PFKFB3: variants seen among roughly 807,000 people sequenced by gnomAD.
PFKFB3 encodes 6-phosphofructo-2-kinase/fructose-2,6-bisphosphatase 3.
In PFKFB3, 33 loss-of-function variants were observed where a neutral mutation model predicts 68.0. The observed-to-expected ratio is 0.49, with a 90% CI of 0.37 to 0.65. The LOEUF is 0.65. Among genes scored for constraint, PFKFB3 ranks in the 30% least tolerant of loss-of-function variants. The pLI, the probability that PFKFB3 is intolerant of heterozygous loss-of-function variation, is 0.00. For synonymous variants in PFKFB3, 315 were observed against 288.2 expected (o/e 1.09, Z -0.94); for missense variants, 586 against 712.2 (o/e 0.82, Z 2.02).
chr10:6,281,588 T>A, the PFKFB3 span, among the ~76,000 whole-genome samples: 1 of 151,940 alleles, frequency 6.6e-6, no homozygotes, highest in African/African-American at 2.4e-5. Flanking sequence ...CATTCCACTG[T>A]TTTTCCCCCA....
intron 6 of PFKFB3, 139 bp from the exon 7 acceptor site, chr10:6,219,430 C>T (rs1351627844): frequency 1.1e-6 from 1 of 873,512 alleles, no homozygotes; most frequent in East Asian, 2.5e-5. Context: ...ATCTTTCTCC[C>T]TTTCTCTTAC....
chr10:6,264,059 G>A, the PFKFB3 span, among the ~76,000 whole-genome samples: 1 of 152,212 alleles, frequency 6.6e-6, no homozygotes, highest in Non-Finnish European at 1.5e-5. Context: ...ATTGGTCTTT[G>A]TGAATGATGA....
chr10:6,242,091 G>A (rs569796533), intron 14 of PFKFB3, among the ~76,000 whole-genome samples: 5 of 151,870 alleles, frequency 3.3e-5, no homozygotes, highest in African/African-American at 7.3e-5. Context: ...GATTCTTCCC[G>A]CCTCAGCCTC....
chr10:6,156,506 A>AATTG (rs1841800656), intron 1 of PFKFB3, among the ~76,000 whole-genome samples: 1 of 149,982 alleles, frequency 6.7e-6, no homozygotes, highest in South Asian at 2.1e-4. Flanking sequence ...TTAATTAATT[A>AATTG]CTTTTTATTT....
intron 1 of PFKFB3, among the ~76,000 whole-genome samples, chr10:6,195,118 T>G (rs1448826074): frequency 1.3e-5 from 2 of 152,156 alleles, no homozygotes; most frequent in Non-Finnish European, 2.9e-5. Context: ...GTGATCTGCC[T>G]GCCTCAGCCT....
the PFKFB3 span, among the ~76,000 whole-genome samples, chr10:6,324,964 A>G: frequency 6.6e-6 from 1 of 151,894 alleles, no homozygotes; most frequent in East Asian, 1.9e-4. Context: ...AAGTGTTGGC[A>G]TATAATTTTT....
At chr10:6,250,975 G>A (rs901766221) in intron 14 of PFKFB3, among the ~76,000 whole-genome samples, 2 of 152,140 alleles carry the variant, frequency 1.3e-5, no homozygotes, top group African/African-American at 4.8e-5. Context: ...GAGTGCTGAG[G>A]TCTGAGCCTT....
intron 6 of PFKFB3, 89 bp from the exon 7 acceptor site, chr10:6,219,480 G>T: frequency 7.1e-7 from 1 of 1,404,536 alleles, no homozygotes; most frequent in Non-Finnish European, 1.0e-6. Flanking sequence ...CCTTCTGTGC[G>T]CTCCCCTTTT....
chr10:6,146,496 G>T (rs1314399149), intron 1 of PFKFB3: 1 of 1,534,872 alleles, frequency 6.5e-7, no homozygotes, highest in African/African-American at 1.4e-5. Context: ...CATTAATCCA[G>T]GTATGATTCG....
chr10:6,309,289 C>A, the PFKFB3 span, among the ~76,000 whole-genome samples: 8 of 152,158 alleles, frequency 5.3e-5, no homozygotes, highest in South Asian at 8.3e-4. Context: ...TTTCGCTGGG[C>A]GTGGTGGCTG....
chr10:6,185,929 C>T (rs955755176), intron 1 of PFKFB3, among the ~76,000 whole-genome samples: 3 of 152,028 alleles, frequency 2.0e-5, no homozygotes, highest in African/African-American at 7.2e-5. Flanking sequence ...CATGAGCCAC[C>T]GCGCCTGGCC....
the PFKFB3 span, among the ~76,000 whole-genome samples, chr10:6,316,988 A>G: frequency 6.6e-6 from 1 of 152,180 alleles, no homozygotes; most frequent in Non-Finnish European, 1.5e-5. Context: ...GAAGAACTCA[A>G]CTGGCACACA....
At chr10:6,313,978 C>T in the PFKFB3 span, among the ~76,000 whole-genome samples, 1 of 152,198 alleles carries the variant, frequency 6.6e-6, no homozygotes, top group East Asian at 1.9e-4. This position sits in a 1 kb window ranked among gnomAD's most constrained non-coding sequence, Gnocchi z 4.2. Flanking sequence ...AGGCAGGGGA[C>T]AGGTATGGGT....
At chr10:6,272,468 C>A in the PFKFB3 span, among the ~76,000 whole-genome samples, 1 of 152,132 alleles carries the variant, frequency 6.6e-6, no homozygotes, top group African/African-American at 2.4e-5. Flanking sequence ...CCGAGGCGGG[C>A]GGATCACCTG....
chr10:6,156,339 G>A, intron 1 of PFKFB3, among the ~76,000 whole-genome samples: 1 of 151,616 alleles, frequency 6.6e-6, no homozygotes, highest in African/African-American at 2.4e-5. Context: ...AACTTTTTGT[G>A]GAGACAAAGT....
the PFKFB3 span, among the ~76,000 whole-genome samples, chr10:6,283,942 T>C: frequency 6.6e-6 from 1 of 152,144 alleles, no homozygotes; most frequent in African/African-American, 2.4e-5. Flanking sequence ...TCATGCCTCA[T>C]TACCCTATGC....
chr10:6,164,238 C>T (rs1319110974), intron 1 of PFKFB3, among the ~76,000 whole-genome samples: 2 of 152,182 alleles, frequency 1.3e-5, no homozygotes, highest in Admixed American at 6.5e-5. Flanking sequence ...CCAGTGAGCA[C>T]CCGGGGACCG....
At chr10:6,292,656 A>G in the PFKFB3 span, among the ~76,000 whole-genome samples, 2 of 152,060 alleles carry the variant, frequency 1.3e-5, no homozygotes, top group Non-Finnish European at 2.9e-5. Flanking sequence ...AAAAACTATC[A>G]AGGGCAATCA....
the PFKFB3 span, among the ~76,000 whole-genome samples, chr10:6,265,037 A>G: frequency 7.9e-5 from 12 of 150,946 alleles, no homozygotes; most frequent in Non-Finnish European, 1.5e-4. Flanking sequence ...TTAGTTGTCA[A>G]TTTGTGTTAG....
Sources: gnomAD v4.1 joint callset for allele counts (sites outside exome capture counted in the v4.1 genomes callset) on GRCh38, gnomAD v4.1.1 for gene constraint, Gnocchi (gnomAD v3.1) non-coding constraint, MANE v1.5 for transcripts, NCBI Gene and HGNC (gene_info 2026-07-23, HGNC 2026-07-21) for gene names.